Variants in FBLN2 observed in about 807,000 individuals in gnomAD.
The protein encoded by FBLN2 is fibulin-2.
Under a neutral mutation model 123.7 loss-of-function variants are expected in FBLN2, and 81 were observed. That is an observed-to-expected ratio of 0.65 (90% CI 0.55 to 0.79). The LOEUF (loss-of-function observed/expected upper bound fraction) is 0.79. Among genes scored for constraint, FBLN2 ranks in the 30% least tolerant of loss-of-function variants. The pLI, the probability that FBLN2 is intolerant of heterozygous loss-of-function variation, is 0.00. For synonymous variants in FBLN2, 699 were observed against 701.4 expected (o/e 1.00, Z 0.05); for missense variants, 1,603 against 1,681.3 (o/e 0.95, Z 0.81).
At position 13,570,967 on chromosome 3, in the gene FBLN2, C is replaced by T. The variant is rs752247665; in HGVS notation, c.612C>T (p.Ala204=). The T allele has an allele frequency of 2.0e-5, 32 of 1,611,362 alleles. 1 individual carries two copies. Among genetic ancestry groups the T allele is most frequent in the South Asian group, 6.6e-5 (6 of 90,586 alleles). ...CCTACAGCTATGACCAGGAGGTGGCCGAGGTGGAAGCAGCAACAGCCCTGG... is the reference window on the plus strand; with the variant it reads ...CCTACAGCTATGACCAGGAGGTGGCTGAGGTGGAAGCAGCAACAGCCCTGG... ...EDPYSYDQEV[A]EVEAATALGG... is the part of the protein sequence containing the mutation. The change falls in exon 2 of 18, where the codon GCC becomes GCT. Residue 204 remains alanine, a synonymous_variant. Transcript: ENST00000404922.
intron 2 of FBLN2, among the ~76,000 whole-genome samples, chr3:13,581,970 T>G (rs1704346616): frequency 6.6e-6 from 1 of 152,180 alleles, no homozygotes; most frequent in Admixed American, 6.5e-5. Context: ...GCTCGACCCT[T>G]CACTAGCTGT....
intron 1 of FBLN2, among the ~76,000 whole-genome samples, chr3:13,554,253 T>C (rs1159224394): frequency 1.3e-5 from 2 of 152,178 alleles, no homozygotes; most frequent in African/African-American, 2.4e-5. Context: ...CCGTGGCTTC[T>C]GTCTTCTGGC....
chr3:13,559,888 C>T (rs1329094453), intron 1 of FBLN2, among the ~76,000 whole-genome samples: 1 of 152,170 alleles, frequency 6.6e-6, no homozygotes, highest in Non-Finnish European at 1.5e-5. Flanking sequence ...AGGACTCCCC[C>T]CGCCCCAGGC....
intron 8 of FBLN2, 122 bp from the exon 9 acceptor site, chr3:13,621,653 C>T (rs1705854169): frequency 2.6e-5 from 26 of 1,017,584 alleles, no homozygotes; most frequent in South Asian, 1.1e-4. Context: ...CACAGTCAGG[C>T]GGGGAGGCCC....
chr3:13,618,998 G>A lies in FBLN2; in HGVS notation c.2034G>A (p.Pro678=), dbSNP rs765895222. ...VASNTIPLPL[P]QPNTCKDNGP... The stretch of plus-strand genomic sequence containing the variant: ...CTAACACCATCCCGCTGCCACTGCC[G>A]CAGCCCAATACCTGCAAAGGTAAGC... Residue 678 remains proline, a synonymous_variant, in exon 7 of 18, where the codon CCG becomes CCA. Transcript: ENST00000404922. 4.5e-5 allele frequency: 73 copies of A among 1,611,058 alleles called. No homozygotes were observed. The highest frequency in any genetic ancestry group is 8.4e-5 in the Admixed American group (5 of 59,658).
At chr3:13,606,570 T>G (rs1705210601) in intron 2 of FBLN2, among the ~76,000 whole-genome samples, 1 of 152,252 alleles carries the variant, frequency 6.6e-6, no homozygotes, top group Non-Finnish European at 1.5e-5. Flanking sequence ...AAAACTTAAC[T>G]AATAGCTGAC....
intron 16 of FBLN2, among the ~76,000 whole-genome samples, chr3:13,633,304 C>T (rs555311544): frequency 5.9e-5 from 9 of 152,388 alleles, no homozygotes; most frequent in East Asian, 5.8e-4. Flanking sequence ...TCCTCTGCCC[C>T]GACGACTTGC....
At chr3:13,614,919 T>C (rs564499639) in intron 5 of FBLN2, among the ~76,000 whole-genome samples, 225 of 150,416 alleles carry the variant, frequency 1.5e-3, no homozygotes, top group African/African-American at 4.7e-3. Flanking sequence ...CATCCATCCA[T>C]CCATCCATCC....
intron 2 of FBLN2, among the ~76,000 whole-genome samples, chr3:13,601,779 C>G (rs1357300638): frequency 3.9e-5 from 6 of 152,204 alleles, no homozygotes; most frequent in Non-Finnish European, 7.3e-5. Context: ...GAGGCTCTCA[C>G]AGTGCTGACT....
intron 1 of FBLN2, among the ~76,000 whole-genome samples, chr3:13,559,824 C>T (rs1703558777): frequency 6.6e-6 from 1 of 152,198 alleles, no homozygotes; most frequent in Non-Finnish European, 1.5e-5. Flanking sequence ...TGAGCAGTCC[C>T]TGGAGGCAGG....
chr3:13,581,613 G>A (rs977954180), intron 2 of FBLN2, among the ~76,000 whole-genome samples: 4 of 152,166 alleles, frequency 2.6e-5, no homozygotes, highest in Non-Finnish European at 5.9e-5. Flanking sequence ...GGCCAGCCCA[G>A]GGTCAAGGCT....
chr3:13,571,063 T>G lies in FBLN2; in HGVS notation c.708T>G (p.Ser236Arg), dbSNP rs939172693. The G allele has an allele frequency of 2.1e-5, 33 of 1,556,520 alleles. No individual in the cohort carries two copies. Among genetic ancestry groups the G allele is most frequent in the Non-Finnish European group, 2.8e-5 (32 of 1,151,120 alleles). ...GGPPAALGGGSQPLSTIQAPP... is the reference protein window; with the variant it reads ...GGPPAALGGGRQPLSTIQAPP... Reference sequence around the variant, plus strand: ...CCCCAGCTGCTCTGGGAGGTGGGAGTCAGCCACTGTCCACCATCCAGGCAC... The same window carrying G: ...CCCCAGCTGCTCTGGGAGGTGGGAGGCAGCCACTGTCCACCATCCAGGCAC... The change falls in exon 2 of 18, where the codon AGT becomes AGG. Residue 236 changes from serine (S) to arginine (R), a missense_variant. Transcript: ENST00000404922.
At chr3:13,554,182 G>A (rs1157502178) in intron 1 of FBLN2, among the ~76,000 whole-genome samples, 1 of 152,238 alleles carries the variant, frequency 6.6e-6, no homozygotes, top group Non-Finnish European at 1.5e-5. Flanking sequence ...CTGGGGAGGC[G>A]GACAGTGCTG....
intron 1 of FBLN2, among the ~76,000 whole-genome samples, chr3:13,560,626 C>T (rs749977859): frequency 1.6e-4 from 25 of 152,112 alleles, no homozygotes; most frequent in Non-Finnish European, 2.8e-4. Context: ...GACATTTGCC[C>T]GCGAGGAAAT....
At chr3:13,549,513 G>A (rs1703266034) in intron 1 of FBLN2, among the ~76,000 whole-genome samples, 1 of 151,792 alleles carries the variant, frequency 6.6e-6, no homozygotes, top group Non-Finnish European at 1.5e-5. Flanking sequence ...CCTCCGCTCT[G>A]GGTTTCACTT....
chr3:13,556,026 G>T (rs1703454769), intron 1 of FBLN2, among the ~76,000 whole-genome samples: 2 of 152,156 alleles, frequency 1.3e-5, no homozygotes, highest in South Asian at 4.1e-4. Context: ...CTAGGCTGGG[G>T]TTGATGGAGG....
At chr3:13,590,382 G>A (rs1704631705) in intron 2 of FBLN2, among the ~76,000 whole-genome samples, 1 of 152,022 alleles carries the variant, frequency 6.6e-6, no homozygotes, top group African/African-American at 2.4e-5. Flanking sequence ...CTGGAGTGCA[G>A]AGGTGCCATC....
At position 13,571,564 on chromosome 3, in the gene FBLN2, A is replaced by G. The variant is rs7623097; in HGVS notation, c.1209A>G (p.Arg403=). ...LPDAAWIPPT[R]EVPRKPQVLP... is the part of the protein sequence containing the mutation. The stretch of plus-strand genomic sequence containing the variant: ...ATGCAGCCTGGATCCCACCCACCCG[A>G]GAAGTGCCCAGGAAGCCGCAAGTTC... The change falls in exon 2 of 18, where the codon CGA becomes CGG. Residue 403 remains arginine, a synonymous_variant. Transcript: ENST00000404922. The G allele has an allele frequency of 0.026, 41,625 of 1,613,414 alleles. 4,958 individuals carry two copies. In the African/African-American group the frequency reaches 0.35, roughly 13 times the overall value.
rs931481903 is a variant in FBLN2 at position 13,605,596 on chromosome 3, C to T, written c.1307-2466C>T. 3.3e-5 allele frequency among the ~76,000 whole-genome samples: 5 copies of T among 152,220 alleles called. No homozygotes were observed. In the East Asian group the frequency reaches 9.7e-4, roughly 29 times the overall value. ...CATGGCCCCAGATTTTCCTCATCCT[C>T]CCCCCCAGTGATGGACACCCAGGCT... On this transcript the variant is annotated intron_variant, in intron 2 of 17. Coordinates refer to ENST00000404922, the MANE Select transcript of FBLN2 (RefSeq NM_001004019.2).
Sources: gnomAD v4.1 joint callset for allele counts (sites outside exome capture counted in the v4.1 genomes callset) on GRCh38, gnomAD v4.1.1 for gene constraint, MANE v1.5 for transcripts, NCBI Gene and HGNC (gene_info 2026-07-23, HGNC 2026-07-21) for gene names.